The following CIB4 variants were observed in gnomAD, a reference collection of about 807,000 sequenced individuals.
CIB4 encodes the protein calcium and integrin binding family member 4, also known as calcium and integrin-binding family member 4.
CIB4 carries 25 observed loss-of-function variants against 25.8 expected under a neutral mutation model. That is an observed-to-expected ratio of 0.97 (90% confidence interval 0.71 to 1.35). The LOEUF (loss-of-function observed/expected upper bound fraction) is 1.35. Among genes scored for constraint, CIB4 ranks in the 40% most tolerant of loss-of-function variants. CIB4 has a pLI of 0.00. For missense variants in CIB4, 235 were observed against 228.2 expected (o/e 1.03, Z -0.19); for synonymous variants, 75 against 81.4 (o/e 0.92, Z 0.42).
At chr2:26,605,970 T>A (rs1391039768) in intron 3 of CIB4, among the ~76,000 whole-genome samples, 3 of 152,080 alleles carry the variant, frequency 2.0e-5, no homozygotes, top group African/African-American at 7.2e-5. Context: ...AGGCGGGGTT[T>A]GAGGAATCGC....
intron 3 of CIB4, among the ~76,000 whole-genome samples, chr2:26,621,969 T>C (rs923725246): frequency 3.3e-5 from 5 of 152,168 alleles, no homozygotes; most frequent in Admixed American, 1.3e-4. Context: ...AAAACAATGA[T>C]GACATCCAGG....
At chr2:26,587,592 G>A (rs56797937) in intron 4 of CIB4, among the ~76,000 whole-genome samples, 3,355 of 152,192 alleles carry the variant, frequency 0.022, 135 homozygotes, top group African/African-American at 0.076. Context: ...AAGATATTCA[G>A]TATAGAAGGT....
intron 3 of CIB4, among the ~76,000 whole-genome samples, chr2:26,622,172 C>T (rs1233392837): frequency 6.6e-6 from 1 of 151,916 alleles, no homozygotes; most frequent in Non-Finnish European, 1.5e-5. Context: ...ACCAGCCTGG[C>T]CTACATGGTG....
chr2:26,638,244 G>A (rs554252703), intron 2 of CIB4, among the ~76,000 whole-genome samples: 13 of 152,332 alleles, frequency 8.5e-5, no homozygotes, highest in Admixed American at 7.8e-4. Flanking sequence ...ACACAACGCG[G>A]AGCCAAACTG....
At chr2:26,640,121 G>T (rs1669608365) in intron 2 of CIB4, among the ~76,000 whole-genome samples, 1 of 141,010 alleles carries the variant, frequency 7.1e-6, no homozygotes, top group African/African-American at 2.5e-5. Context: ...GGGAGGGAGG[G>T]AGGGAGGTGG....
intron 4 of CIB4, among the ~76,000 whole-genome samples, chr2:26,584,183 C>T (rs1400194531): frequency 1.3e-5 from 2 of 152,148 alleles, no homozygotes; most frequent in East Asian, 1.9e-4. Context: ...TTTTATTAGT[C>T]TTTTACCAAA....
chr2:26,592,615 C>T (rs1016983884), intron 4 of CIB4, among the ~76,000 whole-genome samples: 17 of 152,094 alleles, frequency 1.1e-4, no homozygotes, highest in African/African-American at 3.6e-4. Context: ...TTGTCCTGCA[C>T]GTCTCTGAGG....
chr2:26,595,757 G>A lies in CIB4; in HGVS notation c.187-440C>T, dbSNP rs529319050. ...AAGCCAACAGGCTCACTGCCCAAGC[G>A]CATAGCCAGCCAGGGAATGAGATAC... is the stretch of plus-strand genomic sequence containing the variant. On this transcript the variant is annotated intron_variant, in intron 3 of 6. Transcript: ENST00000288861. 1.0e-3 allele frequency among the ~76,000 whole-genome samples: 159 copies of A among 152,348 alleles called. 1 individual carries two copies. Among genetic ancestry groups the A allele is most frequent in the Non-Finnish European group, 2.9e-4 (20 of 68,042 alleles).
At chr2:26,622,538 G>T (rs1669226024) in intron 3 of CIB4, among the ~76,000 whole-genome samples, 1 of 152,046 alleles carries the variant, frequency 6.6e-6, no homozygotes, top group Admixed American at 6.6e-5. Context: ...CTATCAAGAA[G>T]GGGTAATACA....
At chr2:26,623,606 A>G (rs2148219498) in intron 3 of CIB4, 1 of 469,460 alleles carries the variant, frequency 2.1e-6, no homozygotes, top group Admixed American at 2.4e-5. Context: ...TCCTGACCAT[A>G]CCTCCCTACA....
At chr2:26,624,405 C>T (rs138415208) in intron 3 of CIB4, among the ~76,000 whole-genome samples, 17 of 152,266 alleles carry the variant, frequency 1.1e-4, no homozygotes, top group Admixed American at 7.2e-4. Context: ...ATCGGAAAGA[C>T]ACAGAAGGAA....
At chr2:26,619,652 C>A (rs1669164597) in intron 3 of CIB4, among the ~76,000 whole-genome samples, 1 of 152,176 alleles carries the variant, frequency 6.6e-6, no homozygotes, top group African/African-American at 2.4e-5. Context: ...CAGTGACATA[C>A]ACAGGAAACA....
chr2:26,632,196 A>G (rs2148225565), intron 2 of CIB4, among the ~76,000 whole-genome samples: 1 of 152,330 alleles, frequency 6.6e-6, no homozygotes, highest in South Asian at 2.1e-4. Flanking sequence ...GGCATTGTGC[A>G]GATCCAGGCT....
At chr2:26,589,255 C>T (rs1458416999) in intron 4 of CIB4, among the ~76,000 whole-genome samples, 2 of 148,296 alleles carry the variant, frequency 1.3e-5, no homozygotes, top group African/African-American at 5.0e-5. Flanking sequence ...CTCCTTCCTC[C>T]TATTCTCCTT....
At chr2:26,599,963 C>T (rs1668751028) in intron 3 of CIB4, among the ~76,000 whole-genome samples, 1 of 145,434 alleles carries the variant, frequency 6.9e-6, no homozygotes, top group African/African-American at 2.7e-5. Context: ...GTCCCAGCTA[C>T]TCAGGAGGCT....
intron 6 of CIB4, among the ~76,000 whole-genome samples, chr2:26,582,057 G>A (rs1262257346): frequency 1.1e-4 from 17 of 152,238 alleles, no homozygotes; most frequent in Non-Finnish European, 2.1e-4. Context: ...AGGCAGAGAC[G>A]TTGGCACAGA....
intron 3 of CIB4, among the ~76,000 whole-genome samples, chr2:26,621,252 G>GAA (rs10689851): frequency 0.052 from 5,308 of 101,770 alleles, 437 homozygotes; most frequent in East Asian, 0.32. Flanking sequence ...AAGTTTCCAG[G>GAA]AAAAAAAAAA....
At chr2:26,590,164 T>C (rs1275800132) in intron 4 of CIB4, among the ~76,000 whole-genome samples, 5 of 150,028 alleles carry the variant, frequency 3.3e-5, no homozygotes, top group African/African-American at 1.2e-4. Flanking sequence ...CTGCTGCTCA[T>C]TCGAGCCATC....
intron 3 of CIB4, among the ~76,000 whole-genome samples, chr2:26,622,079 G>T (rs562830279): frequency 2.0e-5 from 3 of 152,300 alleles, no homozygotes; most frequent in African/African-American, 7.2e-5. Context: ...AAAACATTGA[G>T]GCCAGGCATG....
Sources: gnomAD v4.1 joint callset for allele counts (sites outside exome capture counted in the v4.1 genomes callset) on GRCh38, gnomAD v4.1.1 for gene constraint, MANE v1.5 for transcripts, NCBI Gene and HGNC (gene_info 2026-07-23, HGNC 2026-07-21) for gene names.